ZNF827: variants seen among roughly 807,000 people sequenced by gnomAD.
ZNF827 encodes the protein zinc finger protein 827.
ZNF827 carries 13 observed loss-of-function variants against 102.4 expected under a neutral mutation model. That is an observed-to-expected ratio of 0.13 (90% confidence interval 0.08 to 0.20). The LOEUF is 0.20. Among genes scored for constraint, ZNF827 ranks in the 10% least tolerant of loss-of-function variants. ZNF827 has a pLI of 1.00. For synonymous variants in ZNF827, 523 were observed against 536.2 expected, an observed-to-expected ratio of 0.98 and a Z score of 0.34; for missense variants, 1,103 against 1,344.4, an observed-to-expected ratio of 0.82 and a Z score of 2.81.
chr4:145,870,158 G>T, intron 5 of ZNF827, 87 bp downstream of exon 5: 1 of 1,271,236 alleles, frequency 7.9e-7, no homozygotes, highest in Non-Finnish European at 1.1e-6. Flanking sequence ...GCTGCCATTG[G>T]GTTAATTATA....
chr4:145,913,681 T>G (rs572561169), intron 1 of ZNF827, among the ~76,000 whole-genome samples: 1 of 152,248 alleles, frequency 6.6e-6, no homozygotes, highest in South Asian at 2.1e-4. Context: ...CACCTCTTAT[T>G]ACAAAAGGCA....
At chr4:145,880,558 C>T (rs908531437) in intron 4 of ZNF827, among the ~76,000 whole-genome samples, 3 of 152,216 alleles carry the variant, frequency 2.0e-5, no homozygotes, top group Non-Finnish European at 4.4e-5. Context: ...GTGCTTGTCT[C>T]ATGAGTGGCA....
chr4:145,899,855 C>T (rs1328653429), intron 2 of ZNF827, among the ~76,000 whole-genome samples: 3 of 152,168 alleles, frequency 2.0e-5, no homozygotes, highest in African/African-American at 7.2e-5. Flanking sequence ...TGAGAAGTTC[C>T]TTTCCCTCCT....
At position 145,765,176 on chromosome 4, in the gene ZNF827, C is replaced by G; in HGVS notation, c.3053-11G>C. On this transcript the variant is annotated splice_polypyrimidine_tract_variant and intron_variant, in intron 12 of 14. Coordinates refer to ENST00000508784, the MANE Select transcript of ZNF827 (RefSeq NM_001306215.2). This position sits in a 1 kb window ranked among gnomAD's most constrained non-coding sequence, Gnocchi z 4.7. ...AAACACATTCGAACCCTGCAAGGAC[C>G]GAAGCTGGGTATAGAGGTGCACAGG... 1.3e-6 allele frequency: 2 copies of G among 1,594,126 alleles called. No individual in the cohort carries two copies. Among genetic ancestry groups the G allele is most frequent in the East Asian group, 2.2e-5 (1 of 44,798 alleles).
At chr4:145,896,552 G>C (rs1046762575) in intron 2 of ZNF827, among the ~76,000 whole-genome samples, 2 of 152,158 alleles carry the variant, frequency 1.3e-5, no homozygotes, top group African/African-American at 2.4e-5. Context: ...ACCGTAAGGA[G>C]ATTAAATGAA....
chr4:145,902,493 A>G lies in ZNF827; in HGVS notation c.766T>C (p.Leu256=), dbSNP rs1459135890. Residue 256 remains leucine, a synonymous_variant, in exon 2 of 15, where the codon TTG becomes CTG. Transcript: ENST00000508784. The surrounding 1 kb of genome is among the most constrained non-coding windows in gnomAD (Gnocchi z 4.3). ...CTTCTTTCACTGACCTTCTTGGACAAAGCGGCCAAGGTAGAACTGGCAGAC... is the reference window on the plus strand; with the variant it reads ...CTTCTTTCACTGACCTTCTTGGACAGAGCGGCCAAGGTAGAACTGGCAGAC... ...SQSASSTLAA[L]SKKVSERSLT... is the part of the protein sequence containing the mutation. 3.1e-6 allele frequency: 5 copies of G among 1,614,206 alleles called. No homozygotes were observed. In the South Asian group the frequency reaches 5.5e-5, roughly 18 times the overall value.
intron 7 of ZNF827, among the ~76,000 whole-genome samples, chr4:145,842,428 C>A (rs1468575225): frequency 2.6e-5 from 4 of 152,154 alleles, no homozygotes; most frequent in Non-Finnish European, 5.9e-5. Context: ...CATCAGCACT[C>A]CCATGACTCA....
chr4:145,910,147 G>T (rs1752175622), intron 1 of ZNF827, among the ~76,000 whole-genome samples: 1 of 152,164 alleles, frequency 6.6e-6, no homozygotes, highest in Non-Finnish European at 1.5e-5. Context: ...CACACGGGGG[G>T]AGGGAGGGGC....
At chr4:145,926,734 A>G (rs1014316742) in intron 1 of ZNF827, among the ~76,000 whole-genome samples, 3 of 152,214 alleles carry the variant, frequency 2.0e-5, no homozygotes, top group Non-Finnish European at 2.9e-5. Flanking sequence ...ATTTTTAAAA[A>G]TAAATTAATA....
intron 7 of ZNF827, among the ~76,000 whole-genome samples, chr4:145,844,720 AT>A (rs1233659850): frequency 8.2e-4 from 121 of 147,484 alleles, no homozygotes; most frequent in Non-Finnish European, 1.5e-3. Flanking sequence ...AAATAAATAA[AT>A]AAATAAATAA....
rs1750299732 is a variant in ZNF827 at position 145,888,339 on chromosome 4, G to A, written c.1267-2181C>T. Among the ~76,000 whole-genome samples the A allele has an allele frequency of 2.0e-5, 3 of 152,088 alleles. No individual in the cohort carries two copies. The South Asian group carries it at 6.2e-4, about 32-fold the overall frequency. ...TCATAATTTTTATTCTCTTTAGCTTGACATTTGCTTTAAAGATCTTCTTAG... is the reference window on the plus strand; with the variant it reads ...TCATAATTTTTATTCTCTTTAGCTTAACATTTGCTTTAAAGATCTTCTTAG... On this transcript the variant is annotated intron_variant, in intron 3 of 14. Transcript: ENST00000508784.
At position 145,779,494 on chromosome 4, in the gene ZNF827, G is replaced by C; in HGVS notation, c.2401C>G (p.Leu801Val). ...ISAPETEKIV[L>V]EAGNGLPSWK... ...GATGGTAATCCATTTCCTGCCTCTA[G>C]GACTATCTTTTCTGTTTCTGGGTCA... The change falls in exon 9 of 15, where the codon CTA (leucine) becomes GTA (valine). Residue 801 changes from leucine (L) to valine (V), a missense_variant. Physicochemically the swap from Leu to Val is conservative, Grantham distance 32. Transcript: ENST00000508784. 1.2e-6 allele frequency: 2 copies of C among 1,613,902 alleles called. No homozygotes were observed. The highest frequency in any genetic ancestry group is 1.7e-6 in the Non-Finnish European group (2 of 1,179,956).
chr4:145,822,110 A>C (rs1358913731), intron 8 of ZNF827, among the ~76,000 whole-genome samples: 1 of 152,238 alleles, frequency 6.6e-6, no homozygotes, highest in Admixed American at 6.5e-5. Context: ...CCCCTGTTTG[A>C]GTATGAAGAC....
At chr4:145,813,402 C>T (rs768286267) in intron 8 of ZNF827, among the ~76,000 whole-genome samples, 2 of 152,148 alleles carry the variant, frequency 1.3e-5, no homozygotes, top group Non-Finnish European at 2.9e-5. Context: ...CTTGCTGTGC[C>T]TAATTTATAA....
chr4:145,936,384 A>G (rs1306646945), intron 1 of ZNF827, among the ~76,000 whole-genome samples: 1 of 151,850 alleles, frequency 6.6e-6, no homozygotes, highest in Non-Finnish European at 1.5e-5. Flanking sequence ...TATATATTAC[A>G]TATGTGATAT....
intron 7 of ZNF827, among the ~76,000 whole-genome samples, chr4:145,844,236 T>A (rs1745692973): frequency 6.6e-6 from 1 of 151,960 alleles, no homozygotes; most frequent in African/African-American, 2.4e-5. Flanking sequence ...CAAAATAGCC[T>A]TTCCATCCCC....
intron 7 of ZNF827, chr4:145,832,303 A>C (rs1191958913): frequency 1.5e-5 from 1 of 66,388 alleles, no homozygotes. Flanking sequence ...AAACAAAACC[A>C]CACACACACA....
At chr4:145,764,339 G>A (rs1174263973) in intron 13 of ZNF827, among the ~76,000 whole-genome samples, 4 of 152,102 alleles carry the variant, frequency 2.6e-5, no homozygotes, top group Non-Finnish European at 5.9e-5. Flanking sequence ...TGTGCCTGTT[G>A]GCACCTGTTA....
rs1750192118 is a variant in ZNF827 at position 145,887,246 on chromosome 4, A to G, written c.1267-1088T>C. Among the ~76,000 whole-genome samples, 6 of 151,948 alleles carry G rather than the reference A, an allele frequency of 3.9e-5. No homozygotes were observed. In the South Asian group the frequency reaches 1.2e-3, roughly 32 times the overall value. ...TAGGGGTGACCTAAGCAGGACTCGA[A>G]CCCAGGTCTCACCAAGGTTAAAGGC... On this transcript the variant is annotated intron_variant, in intron 3 of 14. Transcript: ENST00000508784.
Sources: allele counts gnomAD v4.1 joint callset (sites outside exome capture counted in the v4.1 genomes callset), GRCh38; gene constraint gnomAD v4.1.1; non-coding constraint Gnocchi (gnomAD v3.1); transcripts MANE v1.5; gene names NCBI Gene and HGNC (gene_info 2026-07-23, HGNC 2026-07-21).